VWF: variants seen among roughly 807,000 people sequenced by gnomAD.
VWF encodes the protein von Willebrand factor, also known as Factor VIII related antigen.
In VWF, 176 loss-of-function variants were observed where a neutral mutation model predicts 308.6. The observed-to-expected ratio is 0.57, with a 90% CI of 0.50 to 0.65. The LOEUF is 0.65. VWF is among the 30% of genes least tolerant of loss of function. The pLI, the probability that VWF is intolerant of heterozygous loss-of-function variation, is 0.00. For synonymous variants in VWF, 1,385 were observed against 1,443.4 expected, an observed-to-expected ratio of 0.96 and a Z score of 0.92; for missense variants, 3,146 against 3,648.2, an observed-to-expected ratio of 0.86 and a Z score of 3.55.
At chr12:6,103,351 T>C (rs1240044311) in intron 5 of VWF, among the ~76,000 whole-genome samples, 2 of 145,002 alleles carry the variant, frequency 1.4e-5, no homozygotes, top group East Asian at 4.0e-4. Context: ...TATATGTGTG[T>C]ATATATACAT....
intron 49 of VWF, 95 bp downstream of exon 49, chr12:5,952,296 T>G: frequency 7.5e-5 from 116 of 1,547,466 alleles, no homozygotes; most frequent in Non-Finnish European, 9.4e-5. Context: ...CCTCAGACAC[T>G]GAGAAATTAT....
chr12:6,094,629 G>T (rs1254180550), intron 6 of VWF, among the ~76,000 whole-genome samples: 1 of 152,200 alleles, frequency 6.6e-6, no homozygotes, highest in Non-Finnish European at 1.5e-5. Flanking sequence ...CTTTTAGGAA[G>T]TGATGAAGTC....
chr12:5,971,917 G>A (rs1371169248), intron 43 of VWF, among the ~76,000 whole-genome samples: 1 of 152,220 alleles, frequency 6.6e-6, no homozygotes, highest in African/African-American at 2.4e-5. Flanking sequence ...CAGCTGCAGA[G>A]ATATAATTCT....
rs151048762 is a variant in VWF at position 6,036,437 on chromosome 12, C to T, written c.2497G>A (p.Gly833Ser). The T allele has an allele frequency of 4.3e-6, 7 of 1,614,210 alleles. No individual in the cohort carries two copies. Among genetic ancestry groups the T allele is most frequent in the Middle Eastern group, 1.6e-4 (1 of 6,062 alleles). Reference sequence around the variant, plus strand: ...GTTTCTCCAGGGGCATACTCCTTGCCCTGATGGAAGCAGGGACACCTTTCC... The same window carrying T: ...GTTTCTCCAGGGGCATACTCCTTGCTCTGATGGAAGCAGGGACACCTTTCC... ...ALERCPCFHQ[G>S]KEYAPGETVK... Residue 833 changes from glycine to serine, a missense_variant, in exon 19 of 52, where the codon GGC (glycine) becomes AGC (serine). Coordinates refer to ENST00000261405, the MANE Select transcript of VWF (RefSeq NM_000552.5).
chr12:6,034,627 C>G (rs1944311888), intron 20 of VWF, 61 bp downstream of exon 20: 54 of 1,611,894 alleles, frequency 3.4e-5, no homozygotes, highest in Non-Finnish European at 4.5e-5. Context: ...CAACCTGAGG[C>G]CACACCTCCC....
chr12:6,069,630 G>A (rs1373061798), intron 10 of VWF, among the ~76,000 whole-genome samples: 1 of 152,204 alleles, frequency 6.6e-6, no homozygotes, highest in Non-Finnish European at 1.5e-5. Context: ...GGGAGGCGAT[G>A]ATCAACAAAA....
chr12:6,053,648 G>A (rs145052499), intron 15 of VWF, among the ~76,000 whole-genome samples: 1 of 152,264 alleles, frequency 6.6e-6, no homozygotes, highest in East Asian at 1.9e-4. Context: ...CCAAATACCT[G>A]GGTTCACGCC....
intron 21 of VWF, among the ~76,000 whole-genome samples, chr12:6,030,761 C>A (rs1944252623): frequency 6.6e-6 from 1 of 152,184 alleles, no homozygotes; most frequent in African/African-American, 2.4e-5. Flanking sequence ...GGCATGGTGG[C>A]TCATGCCTGT....
rs940276343 is a variant in VWF, at chr12:6,024,423, G to A, written c.3223-636C>T. ...CTGAGTGGGTCATTGTTTCCAAGAC[G>A]TTCCAACAGTCTCAATGTCCCCAAC... is the stretch of plus-strand genomic sequence containing the variant. On this transcript the variant is annotated intron_variant, in intron 24 of 51. Coordinates refer to ENST00000261405, the MANE Select transcript of VWF (RefSeq NM_000552.5). This position sits in a 1 kb window ranked among gnomAD's most constrained non-coding sequence, Gnocchi z 4.0. Among the ~76,000 whole-genome samples, 3 of 152,280 alleles carry A rather than the reference G, an allele frequency of 2.0e-5. No individual in the cohort carries two copies. The highest frequency in any genetic ancestry group is 3.9e-4 in the East Asian group (2 of 5,182).
intron 6 of VWF, among the ~76,000 whole-genome samples, chr12:6,090,796 C>T (rs899270688): frequency 6.6e-6 from 1 of 152,178 alleles, no homozygotes; most frequent in African/African-American, 2.4e-5. Context: ...ACTTGTCTTG[C>T]CCAGATTCAC....
At chr12:5,980,409 G>A (rs1234181884) in intron 42 of VWF, among the ~76,000 whole-genome samples, 1 of 152,134 alleles carries the variant, frequency 6.6e-6, no homozygotes, top group Non-Finnish European at 1.5e-5. Context: ...GAAATACAGG[G>A]GATAGAGGAA....
chr12:6,117,584 G>A, intron 3 of VWF, among the ~76,000 whole-genome samples: 1 of 152,218 alleles, frequency 6.6e-6, no homozygotes, highest in Non-Finnish European at 1.5e-5. Context: ...CCAAGGCCGA[G>A]GCGGGCGGAT....
intron 6 of VWF, among the ~76,000 whole-genome samples, chr12:6,078,875 A>G (rs1944874149): frequency 6.6e-6 from 1 of 152,178 alleles, no homozygotes; most frequent in Non-Finnish European, 1.5e-5. Context: ...ACAGTACTCC[A>G]GCACATTTCC....
chr12:6,015,175 C>G (rs147660775), intron 31 of VWF, among the ~76,000 whole-genome samples: 1 of 152,274 alleles, frequency 6.6e-6, no homozygotes, highest in African/African-American at 2.4e-5. Context: ...ATTCACTCAA[C>G]AAACGTTAAA....
At chr12:6,050,416 C>A (rs1183035956) in intron 16 of VWF, among the ~76,000 whole-genome samples, 2 of 152,154 alleles carry the variant, frequency 1.3e-5, no homozygotes, top group African/African-American at 4.8e-5. Context: ...CATGCAGCTC[C>A]CAAAACCCAC....
chr12:6,049,423 C>T (rs1332009412), intron 16 of VWF, among the ~76,000 whole-genome samples: 1 of 152,184 alleles, frequency 6.6e-6, no homozygotes, highest in Admixed American at 6.5e-5. Flanking sequence ...GGCCAAGGCG[C>T]ACCTTCTCCC....
intron 31 of VWF, 24 bp downstream of exon 31, chr12:6,016,065 G>A (rs1224255833): frequency 6.2e-7 from 1 of 1,613,808 alleles, no homozygotes; most frequent in Non-Finnish European, 8.5e-7. Flanking sequence ...CTCCTGAATT[G>A]AGGACTGTAC....
intron 16 of VWF, among the ~76,000 whole-genome samples, chr12:6,048,077 T>A (rs1289831154): frequency 6.6e-6 from 1 of 152,250 alleles, no homozygotes; most frequent in Non-Finnish European, 1.5e-5. Context: ...CTCTGCATTA[T>A]CCAGATGTCT....
At chr12:5,964,018 T>G (rs1054057458) in intron 47 of VWF, among the ~76,000 whole-genome samples, 1 of 146,242 alleles carries the variant, frequency 6.8e-6, no homozygotes, top group South Asian at 2.1e-4. Context: ...CCATTCTGGT[T>G]AACACGGTGA....
Sources: gnomAD v4.1 joint callset for allele counts (sites outside exome capture counted in the v4.1 genomes callset) on GRCh38, gnomAD v4.1.1 for gene constraint, Gnocchi (gnomAD v3.1) non-coding constraint, MANE v1.5 for transcripts, NCBI Gene and HGNC (gene_info 2026-07-23, HGNC 2026-07-21) for gene names.